The following PTPRN2 variants were observed in gnomAD, a reference collection of about 807,000 sequenced individuals.
PTPRN2 encodes the protein protein tyrosine phosphatase receptor type N2, also known as receptor-type tyrosine-protein phosphatase N2.
Under a neutral mutation model 118.8 loss-of-function variants are expected in PTPRN2, and 74 were observed. That is an observed-to-expected ratio of 0.62 (90% CI 0.52 to 0.76). The LOEUF (loss-of-function observed/expected upper bound fraction) is 0.76, where lower values mean the gene tolerates loss of function less well. PTPRN2 is among the 30% of genes least tolerant of loss of function. The probability of loss-of-function intolerance (pLI) is 0.00; values close to 1 mark genes in which losing one functional copy is unlikely to be tolerated. For synonymous variants in PTPRN2, 641 were observed against 608.0 expected, an observed-to-expected ratio of 1.05 and a Z score of -0.80; for missense variants, 1,481 against 1,394.4, an observed-to-expected ratio of 1.06 and a Z score of -0.99.
At chr7:158,299,817 C>T (rs1800757839) in intron 3 of PTPRN2, among the ~76,000 whole-genome samples, 1 of 152,114 alleles carries the variant, frequency 6.6e-6, no homozygotes, top group Admixed American at 6.5e-5. Context: ...CCAGGGAAGC[C>T]CTGGCAGGTG....
intron 6 of PTPRN2, among the ~76,000 whole-genome samples, chr7:158,146,500 T>A (rs1335900794): frequency 6.6e-6 from 1 of 151,840 alleles, no homozygotes; most frequent in Non-Finnish European, 1.5e-5. Context: ...GGCATGCGGA[T>A]CACGAGGTCA....
intron 12 of PTPRN2, among the ~76,000 whole-genome samples, chr7:157,859,876 G>T (rs1810083230): frequency 7.8e-6 from 1 of 127,620 alleles, no homozygotes; most frequent in African/African-American, 3.0e-5. Flanking sequence ...TGCAGGGAGA[G>T]CCCCAGCCAC....
At position 157,802,043 on chromosome 7, in the gene PTPRN2, G is replaced by A. The variant is rs1037220501; in HGVS notation, c.1788+96630C>T. Among the ~76,000 whole-genome samples, 12 of 152,162 alleles carry A rather than the reference G, an allele frequency of 7.9e-5. No individual in the cohort carries two copies. In the South Asian group the frequency reaches 1.5e-3, roughly 18 times the overall value. On this transcript the variant is annotated intron_variant, in intron 12 of 22. Coordinates refer to ENST00000389418, the MANE Select transcript of PTPRN2 (RefSeq NM_002847.5). Reference sequence around the variant, plus strand: ...CTTCGTCCACCGTGAAACCCGCCCCGGCGTCCCTCTCCGACTCCGCTTCCT... The same window carrying A: ...CTTCGTCCACCGTGAAACCCGCCCCAGCGTCCCTCTCCGACTCCGCTTCCT...
chr7:157,552,606 G>T (rs1408021698), intron 21 of PTPRN2, among the ~76,000 whole-genome samples: 2 of 152,192 alleles, frequency 1.3e-5, no homozygotes, highest in African/African-American at 4.8e-5. Flanking sequence ...TGGAAACCGG[G>T]TTCTAATACA....
At chr7:157,956,102 G>A (rs141747775) in intron 11 of PTPRN2, among the ~76,000 whole-genome samples, 7 of 152,288 alleles carry the variant, frequency 4.6e-5, no homozygotes, top group African/African-American at 9.6e-5. Context: ...TTCTTCCTAC[G>A]TGCTGGCATT....
At chr7:158,351,928 T>TCCGCTCCCCTCCTGA (rs1563190387) in intron 2 of PTPRN2, among the ~76,000 whole-genome samples, 1 of 54,546 alleles carries the variant, frequency 1.8e-5, no homozygotes, top group Admixed American at 1.7e-4. Context: ...TCCCCTCCTG[T>TCCGCTCCCCTCCTGA]CCGCTCCCCT....
intron 11 of PTPRN2, among the ~76,000 whole-genome samples, chr7:157,988,609 T>C: frequency 6.6e-6 from 1 of 152,188 alleles, no homozygotes; most frequent in East Asian, 1.9e-4. Flanking sequence ...TGCAAACCCT[T>C]TGGAAGACTC....
At chr7:158,138,200 A>AT (rs1270791534) in intron 7 of PTPRN2, 94 bp downstream of exon 7, 18 of 1,113,994 alleles carry the variant, frequency 1.6e-5, no homozygotes, top group Non-Finnish European at 1.8e-5. Flanking sequence ...GAAAGCCCAC[A>AT]TTGCACTTGG....
chr7:158,128,670 T>C (rs1261390033), intron 9 of PTPRN2, among the ~76,000 whole-genome samples: 4 of 152,108 alleles, frequency 2.6e-5, no homozygotes, highest in African/African-American at 7.2e-5. Flanking sequence ...TGGCACAGGA[T>C]TGTCGGCTCT....
At chr7:158,340,357 C>A (rs1806441467) in intron 2 of PTPRN2, among the ~76,000 whole-genome samples, 2 of 101,850 alleles carry the variant, frequency 2.0e-5, no homozygotes, top group Admixed American at 2.1e-4. Context: ...AGAGCTGAGG[C>A]CCACAGAGGT....
At chr7:158,172,466 C>A (rs1823788106) in intron 5 of PTPRN2, among the ~76,000 whole-genome samples, 1 of 151,692 alleles carries the variant, frequency 6.6e-6, no homozygotes, top group South Asian at 2.1e-4. Flanking sequence ...ACCATCCCTA[C>A]CATCATCACC....
At position 157,656,445 on chromosome 7, in the gene PTPRN2, G is replaced by A. The variant is rs764028221; in HGVS notation, c.2108C>T (p.Pro703Leu). 6.4e-7 allele frequency: 1 copy of A among 1,554,548 alleles called. No individual in the cohort carries two copies. Among genetic ancestry groups the A allele is most frequent in the South Asian group, 1.2e-5 (1 of 84,392 alleles). Residue 703 changes from proline to leucine, a missense_variant, in exon 14 of 23, where the codon CCC becomes CTC. Around this residue, in one of 3 missense-constraint regions of PTPRN2, gnomAD observed 1,115 missense variants for 994.2 expected, o/e 1.12. Transcript: ENST00000389418. ...GGCGCTGCTGCGTGCGGAGGGGCTG[G>A]GGATCGGCCCGTCGCTGAACTGGGA... ...VSSQFSDGPI[P>L]SPSARSSASS...
At chr7:158,002,858 G>A (rs940788125) in intron 11 of PTPRN2, among the ~76,000 whole-genome samples, 1 of 152,172 alleles carries the variant, frequency 6.6e-6, no homozygotes, top group African/African-American at 2.4e-5. Flanking sequence ...GAGCTGGCCT[G>A]GACCACCCTG....
At chr7:157,715,774 C>T (rs1798869858) in intron 12 of PTPRN2, among the ~76,000 whole-genome samples, 1 of 152,230 alleles carries the variant, frequency 6.6e-6, no homozygotes, top group Non-Finnish European at 1.5e-5. Flanking sequence ...TGGGGGAGCA[C>T]TTACATCTTC....
chr7:157,824,548 C>T (rs1807049752), intron 12 of PTPRN2, among the ~76,000 whole-genome samples: 1 of 152,178 alleles, frequency 6.6e-6, no homozygotes, highest in Non-Finnish European at 1.5e-5. Context: ...CACACAGGCC[C>T]CCGGAAGAAC....
In PTPRN2 at chr7:158,453,585, G is replaced by A. The variant is rs542097976; in HGVS notation, c.163+36150C>T. On this transcript the variant is annotated intron_variant, in intron 2 of 22. Transcript: ENST00000389418. ...GTGGCAGCTGCCGCAGGACCTCAAC[G>A]TGGGAGAGGCTACTGTTGCCCCTGG... Among the ~76,000 whole-genome samples, 30 of 144,588 alleles carry A rather than the reference G, an allele frequency of 2.1e-4. 1 individual carries two copies. The highest frequency in any genetic ancestry group is 5.1e-4 in the African/African-American group (20 of 39,144). The allele number at this position is 144,588 out of a possible 152,430, so 94.9% of individuals were successfully genotyped here. A position where few individuals can be genotyped will look rare whatever the true frequency, so the allele number is the denominator to read the frequency against.
chr7:158,362,423 T>C (rs1809063924), intron 2 of PTPRN2, among the ~76,000 whole-genome samples: 1 of 152,170 alleles, frequency 6.6e-6, no homozygotes, highest in Non-Finnish European at 1.5e-5. Flanking sequence ...TTATTTGTAA[T>C]TAAAGATGGC....
intron 3 of PTPRN2, among the ~76,000 whole-genome samples, chr7:158,310,658 GAGGGCGAGCCCTGAGCCGGAC>G: frequency 6.6e-6 from 1 of 151,804 alleles, no homozygotes; most frequent in Non-Finnish European, 1.5e-5. Flanking sequence ...AAATCCCACG[GAGGGCGAGCCCTGAGCCGGAC>G]AGAGCGCAAG....
intron 12 of PTPRN2, among the ~76,000 whole-genome samples, chr7:157,819,603 A>G (rs1435787033): frequency 7.4e-6 from 1 of 135,250 alleles, no homozygotes; most frequent in African/African-American, 2.8e-5. Flanking sequence ...CTCCCGCCAC[A>G]AGGGTACACC....
Sources: gnomAD v4.1 joint callset for allele counts (sites outside exome capture counted in the v4.1 genomes callset) on GRCh38, gnomAD v4.1.1 for gene constraint, gnomAD v4.1.1 regional missense constraint, MANE v1.5 for transcripts, NCBI Gene and HGNC (gene_info 2026-07-23, HGNC 2026-07-21) for gene names.